SNTG1: variants seen among roughly 807,000 people sequenced by gnomAD.
SNTG1 encodes gamma-1-syntrophin.
In SNTG1, 39 loss-of-function variants were observed where a neutral mutation model predicts 74.7. The ratio of observed to expected loss-of-function variants is 0.52; its 90% confidence interval spans 0.40 to 0.68. The LOEUF is 0.68. Ranked by LOEUF, SNTG1 falls within the 30% of genes least tolerant of loss-of-function variation. The pLI, the probability that SNTG1 is intolerant of heterozygous loss-of-function variation, is 0.00. For synonymous variants in SNTG1, 254 were observed against 217.1 expected, an observed-to-expected ratio of 1.17 and a Z score of -1.49; for missense variants, 685 against 609.5, an observed-to-expected ratio of 1.12 and a Z score of -1.30.
At chr8:50,437,919 C>G (rs1025733208) in intron 4 of SNTG1, among the ~76,000 whole-genome samples, 5 of 152,096 alleles carry the variant, frequency 3.3e-5, no homozygotes, top group Admixed American at 2.6e-4. Flanking sequence ...TGAATTACTT[C>G]TATTGTGGAG....
intron 1 of SNTG1, among the ~76,000 whole-genome samples, chr8:49,976,719 A>G (rs534836934): frequency 1.3e-5 from 2 of 152,184 alleles, no homozygotes; most frequent in Non-Finnish European, 2.9e-5. Flanking sequence ...GAGTGAGCCC[A>G]CAGGTTAGAG....
At chr8:50,439,649 T>C (rs1044405456) in intron 5 of SNTG1, among the ~76,000 whole-genome samples, 4 of 151,884 alleles carry the variant, frequency 2.6e-5, no homozygotes, top group African/African-American at 9.7e-5. Context: ...GCAGAACAGA[T>C]TATAGGATGT....
At chr8:50,402,875 A>G (rs1238792738) in intron 4 of SNTG1, among the ~76,000 whole-genome samples, 1 of 152,144 alleles carries the variant, frequency 6.6e-6, no homozygotes, top group Non-Finnish European at 1.5e-5. Context: ...CTTTTCTCCA[A>G]TGCTCCAACC....
intron 11 of SNTG1, among the ~76,000 whole-genome samples, chr8:50,538,940 C>T (rs111546265): frequency 1.3e-5 from 2 of 151,970 alleles, no homozygotes; most frequent in Non-Finnish European, 1.5e-5. Flanking sequence ...AATTTTATTT[C>T]CTGTCATTTA....
intron 1 of SNTG1, among the ~76,000 whole-genome samples, chr8:50,082,435 G>T (rs1822496398): frequency 6.6e-6 from 1 of 152,080 alleles, no homozygotes; most frequent in Admixed American, 6.5e-5. Context: ...TATATAACTT[G>T]CCTGGACAAA....
At chr8:50,310,571 C>A (rs1268685027) in intron 2 of SNTG1, among the ~76,000 whole-genome samples, 5 of 152,062 alleles carry the variant, frequency 3.3e-5, no homozygotes, top group Non-Finnish European at 7.3e-5. Context: ...GCCTGTAATC[C>A]CAGCCACTCG....
intron 13 of SNTG1, among the ~76,000 whole-genome samples, chr8:50,626,349 A>G (rs544124941): frequency 3.9e-5 from 6 of 152,242 alleles, no homozygotes; most frequent in African/African-American, 7.2e-5. Context: ...ACTAGATACA[A>G]TGTGTTATTG....
chr8:50,327,584 G>C (rs918711855), intron 2 of SNTG1, among the ~76,000 whole-genome samples: 1 of 152,028 alleles, frequency 6.6e-6, no homozygotes, highest in Admixed American at 6.6e-5. Flanking sequence ...AAAACATATA[G>C]TTGATTTTTA....
intron 2 of SNTG1, among the ~76,000 whole-genome samples, chr8:50,389,944 T>C (rs2092632169): frequency 1.3e-5 from 2 of 152,242 alleles, no homozygotes; most frequent in South Asian, 4.1e-4. Flanking sequence ...TGTATTTTCT[T>C]GTAAATTTGT....
At chr8:50,401,926 CATT>C (rs1435132132) in intron 3 of SNTG1, among the ~76,000 whole-genome samples, 2 of 152,128 alleles carry the variant, frequency 1.3e-5, no homozygotes, top group African/African-American at 4.8e-5. Context: ...CAAAAATCCT[CATT>C]ATTTTAAAAA....
chr8:50,464,382 G>A (rs1364729206), intron 8 of SNTG1, among the ~76,000 whole-genome samples: 4 of 152,100 alleles, frequency 2.6e-5, no homozygotes, highest in Non-Finnish European at 5.9e-5. Flanking sequence ...TTTAAAGTGA[G>A]AGGTGTGGGA....
chr8:50,639,212 T>A (rs1055606574), intron 13 of SNTG1, among the ~76,000 whole-genome samples: 2 of 65,894 alleles, frequency 3.0e-5, no homozygotes, highest in African/African-American at 1.4e-4. Flanking sequence ...ACAGAAATGC[T>A]TTTCAGTTAA....
intron 8 of SNTG1, among the ~76,000 whole-genome samples, chr8:50,479,374 T>G (rs1019949659): frequency 1.3e-5 from 2 of 152,204 alleles, no homozygotes; most frequent in African/African-American, 4.8e-5. Flanking sequence ...TGACTGTTTT[T>G]AAGCGTTCCA....
intron 2 of SNTG1, among the ~76,000 whole-genome samples, chr8:50,255,180 G>C (rs1047723332): frequency 6.6e-6 from 1 of 151,954 alleles, no homozygotes; most frequent in African/African-American, 2.4e-5. Context: ...GAAGTTCCTA[G>C]TTGTATTTCT....
chr8:50,530,172 T>C lies in SNTG1; in HGVS notation c.467-5T>C. 6.2e-7 allele frequency: 1 copy of C among 1,613,568 alleles called. No homozygotes were observed. The highest frequency in any genetic ancestry group is 8.5e-7 in the Non-Finnish European group (1 of 1,179,586). On this transcript the variant is annotated splice_polypyrimidine_tract_variant and splice_region_variant and intron_variant, in intron 9 of 18. Transcript: ENST00000642720. ...AGTGGAATGTTATGATTTTGTCTCC[T>C]GCAGGTGCTCCAAGTGACCAGAGCA... is the stretch of plus-strand genomic sequence containing the variant.
chr8:50,462,484 T>C (rs2093572361), intron 8 of SNTG1, among the ~76,000 whole-genome samples: 1 of 149,336 alleles, frequency 6.7e-6, no homozygotes, highest in Admixed American at 6.8e-5. Flanking sequence ...AATAGAACAA[T>C]GAAATTTGCC....
intron 18 of SNTG1, among the ~76,000 whole-genome samples, chr8:50,789,146 G>A (rs2095684214): frequency 6.6e-6 from 1 of 151,810 alleles, no homozygotes; most frequent in African/African-American, 2.4e-5. Flanking sequence ...TCACATGCAG[G>A]CTCTCATGAA....
rs559558845 is a variant in SNTG1 at position 50,755,078 on chromosome 8, A to G, written c.1395+2967A>G. On this transcript the variant is annotated intron_variant, in intron 18 of 18. Coordinates refer to ENST00000642720, the MANE Select transcript of SNTG1 (RefSeq NM_018967.5). ...ACATCCCCCACCAGAGGGGGGGATGAAGTTATAGCTGATGAACTTACAGTG... is the reference window on the plus strand; with the variant it reads ...ACATCCCCCACCAGAGGGGGGGATGGAGTTATAGCTGATGAACTTACAGTG... Among the ~76,000 whole-genome samples, 153 of 151,904 alleles carry G rather than the reference A, an allele frequency of 1.0e-3. 1 individual carries two copies. Among genetic ancestry groups the G allele is most frequent in the African/African-American group, 3.6e-3 (149 of 41,496 alleles).
chr8:50,761,862 C>G (rs1012950108), intron 18 of SNTG1, among the ~76,000 whole-genome samples: 1 of 151,908 alleles, frequency 6.6e-6, no homozygotes, highest in Admixed American at 6.6e-5. Context: ...ATTTTAAAAG[C>G]ATGTGACCTT....
Sources: gnomAD v4.1 joint callset for allele counts (sites outside exome capture counted in the v4.1 genomes callset) on GRCh38, gnomAD v4.1.1 for gene constraint, MANE v1.5 for transcripts, NCBI Gene and HGNC (gene_info 2026-07-23, HGNC 2026-07-21) for gene names.